SIPA1L1: variants seen among roughly 807,000 people sequenced by gnomAD.
SIPA1L1 encodes signal induced proliferation associated 1 like 1.
Under a neutral mutation model 162.7 loss-of-function variants are expected in SIPA1L1, and 26 were observed. That is an observed-to-expected ratio of 0.16 (90% CI 0.12 to 0.22). The LOEUF is 0.22. SIPA1L1 is among the 10% of genes least tolerant of loss of function. The pLI is 1.00. For missense variants in SIPA1L1, 1,874 were observed against 2,241.0 expected (o/e 0.84, Z 3.31); for synonymous variants, 829 against 837.4 (o/e 0.99, Z 0.17).
At chr14:71,656,217 G>A (rs1338213913) in intron 8 of SIPA1L1, among the ~76,000 whole-genome samples, 1 of 152,208 alleles carries the variant, frequency 6.6e-6, no homozygotes, top group Non-Finnish European at 1.5e-5. Context: ...GAAGGGGCTA[G>A]AAGTAGAAAA....
intron 17 of SIPA1L1, among the ~76,000 whole-genome samples, chr14:71,716,253 C>G (rs1482678477): frequency 3.3e-5 from 5 of 152,164 alleles, no homozygotes; most frequent in Admixed American, 1.3e-4. Flanking sequence ...GAGGAGTCCT[C>G]CTTAATCATT....
At chr14:71,594,900 G>T (rs181214473) in intron 5 of SIPA1L1, among the ~76,000 whole-genome samples, 5 of 152,282 alleles carry the variant, frequency 3.3e-5, no homozygotes, top group Non-Finnish European at 7.4e-5. Flanking sequence ...CCTTTTATCT[G>T]CTCAGGGCTT....
At chr14:71,648,915 C>G (rs545644541) in intron 7 of SIPA1L1, among the ~76,000 whole-genome samples, 3 of 152,212 alleles carry the variant, frequency 2.0e-5, no homozygotes, top group Non-Finnish European at 4.4e-5. Flanking sequence ...GTTCCTCTCT[C>G]TTGCATTCTC....
In SIPA1L1 at chr14:71,589,055, A is replaced by C; in HGVS notation, c.1183A>C (p.Lys395Gln). ...PMGSTEDLNSKGSLSMDQGDD... is the reference protein window; with the variant it reads ...PMGSTEDLNSQGSLSMDQGDD... ...GGGCAGCACAGAGGACCTGAATTCCAAAGGAAGCCTCAGCATGGACCAGGG... is the reference window on the plus strand; with the variant it reads ...GGGCAGCACAGAGGACCTGAATTCCCAAGGAAGCCTCAGCATGGACCAGGG... The change falls in exon 5 of 24, where the codon AAA becomes CAA. Residue 395 changes from lysine to glutamine, a missense_variant. Around this residue, in one of 5 missense-constraint regions of SIPA1L1, gnomAD observed 685 missense variants for 828.0 expected, o/e 0.83. Coordinates refer to ENST00000381232, the MANE Select transcript of SIPA1L1 (RefSeq NM_001386936.1). 1 of 1,614,140 alleles carries C rather than the reference A, an allele frequency of 6.2e-7. No homozygotes were observed. Among genetic ancestry groups the C allele is most frequent in the Non-Finnish European group, 8.5e-7 (1 of 1,179,994 alleles).
intron 4 of SIPA1L1, among the ~76,000 whole-genome samples, chr14:71,570,734 T>G (rs1172803217): frequency 6.6e-6 from 1 of 152,152 alleles, no homozygotes; most frequent in Non-Finnish European, 1.5e-5. Flanking sequence ...AAAAATTAGT[T>G]TATTAGAAGG....
chr14:71,700,479 T>C (rs2081999400), intron 14 of SIPA1L1, among the ~76,000 whole-genome samples: 1 of 152,262 alleles, frequency 6.6e-6, no homozygotes, highest in Non-Finnish European at 1.5e-5. Context: ...TATTTACTCT[T>C]ATGAATGAAA....
chr14:71,395,488 C>T (rs749740626), intron 2 of SIPA1L1, among the ~76,000 whole-genome samples: 6 of 152,130 alleles, frequency 3.9e-5, no homozygotes, highest in Admixed American at 1.3e-4. Context: ...TAGCAAGACC[C>T]TGTCTCTACA....
intron 7 of SIPA1L1, among the ~76,000 whole-genome samples, chr14:71,640,014 G>T (rs1041457872): frequency 2.6e-5 from 4 of 151,868 alleles, no homozygotes; most frequent in African/African-American, 4.8e-5. Flanking sequence ...AGCAATTCTC[G>T]TGCCTCAGTC....
intron 7 of SIPA1L1, among the ~76,000 whole-genome samples, chr14:71,649,982 A>G (rs1441882304): frequency 2.0e-5 from 3 of 152,092 alleles, no homozygotes; most frequent in Non-Finnish European, 2.9e-5. Context: ...AAAAGGGGGG[A>G]CACCATAAAA....
intron 4 of SIPA1L1, among the ~76,000 whole-genome samples, chr14:71,560,879 G>A (rs1263104259): frequency 6.6e-6 from 1 of 152,080 alleles, no homozygotes; most frequent in East Asian, 1.9e-4. Flanking sequence ...AGGTTCTTCA[G>A]ATATTCTTCT....
rs377358489 is a variant in SIPA1L1, at chr14:71,656,723, C to T, written c.1994-1610C>T. Among the ~76,000 whole-genome samples, 12 of 152,352 alleles carry T rather than the reference C, an allele frequency of 7.9e-5. No homozygotes were observed. In the East Asian group the frequency reaches 9.6e-4, roughly 12 times the overall value. ...CAAAATTAAGATTCTCCAACAAGCT[C>T]AAGCTTGAAACTCAGAGCTCTAGAA... is the stretch of plus-strand genomic sequence containing the variant. On this transcript the variant is annotated intron_variant, in intron 8 of 23. Coordinates refer to ENST00000381232, the MANE Select transcript of SIPA1L1 (RefSeq NM_001386936.1).
At chr14:71,724,504 T>C (rs2084044371) in intron 18 of SIPA1L1, among the ~76,000 whole-genome samples, 166 bp from the exon 19 acceptor site, 1 of 152,246 alleles carries the variant, frequency 6.6e-6, no homozygotes, top group African/African-American at 2.4e-5. Context: ...GTTTCTTCAG[T>C]AAGCGTTTAT....
At chr14:71,536,012 G>A (rs1331707513) in intron 4 of SIPA1L1, among the ~76,000 whole-genome samples, 1 of 151,720 alleles carries the variant, frequency 6.6e-6, no homozygotes, top group Non-Finnish European at 1.5e-5. Flanking sequence ...CCATCCTACG[G>A]CAGCTTCACG....
At chr14:71,714,205 T>C (rs928599536) in intron 17 of SIPA1L1, among the ~76,000 whole-genome samples, 22 of 152,150 alleles carry the variant, frequency 1.4e-4, no homozygotes, top group African/African-American at 4.8e-4. Flanking sequence ...CTTCCAGCTT[T>C]TGGGGGTGGT....
intron 7 of SIPA1L1, among the ~76,000 whole-genome samples, chr14:71,636,867 A>T (rs2041196483): frequency 6.6e-6 from 1 of 150,858 alleles, no homozygotes; most frequent in Admixed American, 6.6e-5. Flanking sequence ...CCTGGCCAAC[A>T]TGGTGAAACC....
chr14:71,502,852 TTCTTA>T (rs1432540180), intron 2 of SIPA1L1, among the ~76,000 whole-genome samples: 1 of 152,242 alleles, frequency 6.6e-6, no homozygotes, highest in Non-Finnish European at 1.5e-5. Context: ...TACTCTGATT[TTCTTA>T]AGGACAGGAG....
intron 2 of SIPA1L1, among the ~76,000 whole-genome samples, chr14:71,427,779 TATTTTC>T (rs1478071985): frequency 1.3e-5 from 2 of 152,156 alleles, no homozygotes; most frequent in Non-Finnish European, 2.9e-5. Flanking sequence ...TCTTTATGAA[TATTTTC>T]ATTTTGCTTA....
chr14:71,702,616 A>G, intron 15 of SIPA1L1, 111 bp downstream of exon 15: 1 of 911,226 alleles, frequency 1.1e-6, no homozygotes, highest in Non-Finnish European at 1.6e-6. Flanking sequence ...GTTAATAAAT[A>G]TGAATTAGAA....
chr14:71,521,215 G>A (rs1299801658), intron 3 of SIPA1L1, among the ~76,000 whole-genome samples: 1 of 152,198 alleles, frequency 6.6e-6, no homozygotes, highest in African/African-American at 2.4e-5. Flanking sequence ...ACAAAAGACA[G>A]ATTAACAAGA....
Sources: gnomAD v4.1 joint callset for allele counts (sites outside exome capture counted in the v4.1 genomes callset) on GRCh38, gnomAD v4.1.1 for gene constraint, gnomAD v4.1.1 regional missense constraint, MANE v1.5 for transcripts, NCBI Gene and HGNC (gene_info 2026-07-23, HGNC 2026-07-21) for gene names.